PLXDC1: variants seen among roughly 807,000 people sequenced by gnomAD.
The protein encoded by PLXDC1 is plexin domain-containing protein 1.
In PLXDC1, 39 loss-of-function variants were observed where a neutral mutation model predicts 61.3. That is an observed-to-expected ratio of 0.64 (90% confidence interval 0.49 to 0.83). The LOEUF (loss-of-function observed/expected upper bound fraction) is 0.83. Ranked by LOEUF, PLXDC1 falls within the 40% of genes least tolerant of loss-of-function variation. PLXDC1 has a pLI of 0.00. For synonymous variants in PLXDC1, 212 were observed against 254.5 expected (o/e 0.83, Z 1.59); for missense variants, 596 against 666.5 (o/e 0.89, Z 1.17).
At chr17:39,082,041 A>G (rs545932020) in intron 9 of PLXDC1, among the ~76,000 whole-genome samples, 1 of 152,234 alleles carries the variant, frequency 6.6e-6, no homozygotes, top group African/African-American at 2.4e-5. Flanking sequence ...AGGGTAAACA[A>G]TCTGAGGCCC....
intron 12 of PLXDC1, among the ~76,000 whole-genome samples, chr17:39,071,700 C>T (rs1365256244): frequency 6.6e-6 from 1 of 152,122 alleles, no homozygotes; most frequent in Non-Finnish European, 1.5e-5. Flanking sequence ...CCCAGCCACC[C>T]CCACAACACA....
At chr17:39,089,236 A>C (rs1297745556) in intron 7 of PLXDC1, among the ~76,000 whole-genome samples, 3 of 152,168 alleles carry the variant, frequency 2.0e-5, no homozygotes, top group African/African-American at 7.2e-5. Flanking sequence ...ATCTTCTTCC[A>C]TGATCCTGCC....
chr17:39,112,238 C>T (rs1777144317), intron 2 of PLXDC1: 1 of 152,100 alleles, frequency 6.6e-6, no homozygotes, highest in South Asian at 2.1e-4. Flanking sequence ...ATAGGGGGCC[C>T]TGCCCAACAC....
chr17:39,099,369 C>T (rs3936022), intron 7 of PLXDC1, among the ~76,000 whole-genome samples: 42,064 of 152,052 alleles, frequency 0.28, 6,297 homozygotes, highest in Non-Finnish European at 0.34. Context: ...ATCAGGCACA[C>T]GTTTCCTGAG....
intron 8 of PLXDC1, among the ~76,000 whole-genome samples, chr17:39,085,491 G>T (rs552207857): frequency 3.9e-5 from 6 of 152,302 alleles, no homozygotes; most frequent in Non-Finnish European, 8.8e-5. Flanking sequence ...GGGAACTGAG[G>T]CTTGGAGAGA....
At chr17:39,077,085 C>G (rs1233899496) in intron 11 of PLXDC1, among the ~76,000 whole-genome samples, 1 of 152,096 alleles carries the variant, frequency 6.6e-6, no homozygotes, top group African/African-American at 2.4e-5. Flanking sequence ...TCAGGCTGGT[C>G]TCAAACCCCT....
At chr17:39,107,911 G>A (rs940795836) in intron 5 of PLXDC1, 2 of 615,408 alleles carry the variant, frequency 3.2e-6, no homozygotes, top group Admixed American at 5.7e-5. Context: ...TAAGAGCCAA[G>A]CACTGTCGTT....
chr17:39,087,530 G>T, intron 8 of PLXDC1, 77 bp downstream of exon 8: 2 of 1,148,544 alleles, frequency 1.7e-6, no homozygotes, highest in Non-Finnish European at 2.6e-6. Flanking sequence ...ACAGGAGTCA[G>T]TCATGGGCCT....
chr17:39,092,600 A>C (rs533613722), intron 7 of PLXDC1, among the ~76,000 whole-genome samples: 1 of 152,222 alleles, frequency 6.6e-6, no homozygotes, highest in African/African-American at 2.4e-5. Flanking sequence ...TCCCCTTACA[A>C]CTTCCTGAGG....
chr17:39,083,370 G>C, intron 9 of PLXDC1, 89 bp downstream of exon 9: 2 of 931,546 alleles, frequency 2.1e-6, no homozygotes, highest in African/African-American at 1.6e-5. Context: ...TTGGCTGACT[G>C]TGGGCAGTGA....
In PLXDC1 at chr17:39,067,887, G is replaced by T; in HGVS notation, c.1456C>A (p.Pro486Thr). 6.2e-7 allele frequency: 1 copy of T among 1,613,476 alleles called. No homozygotes were observed. The highest frequency in any genetic ancestry group is 8.5e-7 in the Non-Finnish European group (1 of 1,179,366). Residue 486 changes from proline (P) to threonine (T), a missense_variant, in exon 14 of 14, where the codon CCC becomes ACC. Physicochemically the swap from Pro to Thr is conservative, Grantham distance 38. Coordinates refer to ENST00000315392, the MANE Select transcript of PLXDC1 (RefSeq NM_020405.5). ...PDHSTYAEVE[P>T]SGHEKEGFME... ...AAGCCCTCCTTCTCATGGCCCGAGG[G>T]CTCCACCTCCGCATAGGTGGAATGG...
chr17:39,067,265 G>C lies in PLXDC1; in HGVS notation c.*575C>G, dbSNP rs1056396873. ...TGTTTAGGTCGGGGGAAAGGAAGGG[G>C]CTGACAACCGCAGACATCTGGACAC... On this transcript the variant is annotated 3_prime_UTR_variant, in exon 14 of 14. Coordinates refer to ENST00000315392, the MANE Select transcript of PLXDC1 (RefSeq NM_020405.5). The C allele has an allele frequency of 4.6e-5, 7 of 152,222 alleles. No homozygotes were observed. Among genetic ancestry groups the C allele is most frequent in the African/African-American group, 1.7e-4 (7 of 41,438 alleles). The allele number at this position is 152,222 out of a possible 1,614,324, so 9.4% of individuals were successfully genotyped here. A position where few individuals can be genotyped will look rare whatever the true frequency, so the allele number is the denominator to read the frequency against.
chr17:39,143,421 C>T (rs1258131168), intron 1 of PLXDC1, among the ~76,000 whole-genome samples: 3 of 152,320 alleles, frequency 2.0e-5, no homozygotes, highest in East Asian at 1.9e-4. Flanking sequence ...CCTACGTGTG[C>T]GACTATGTGC....
At chr17:39,149,048 T>A (rs73983243) in intron 1 of PLXDC1, among the ~76,000 whole-genome samples, 1 of 152,138 alleles carries the variant, frequency 6.6e-6, no homozygotes. Context: ...GTCAGTTCCC[T>A]GGGCCCCTGC....
chr17:39,078,631 A>G (rs1320891170), intron 10 of PLXDC1, among the ~76,000 whole-genome samples: 4 of 152,230 alleles, frequency 2.6e-5, no homozygotes, highest in African/African-American at 9.6e-5. Context: ...TGTTGAGTGT[A>G]CTGGAAAATT....
At chr17:39,106,000 G>GGCC in intron 6 of PLXDC1, 47 bp from the exon 7 acceptor site, 1 of 1,250,374 alleles carries the variant, frequency 8.0e-7, no homozygotes. Context: ...ACGCTCTGGG[G>GGCC]CCCACCCAGC....
At chr17:39,146,360 C>A (rs2045342372) in intron 1 of PLXDC1, among the ~76,000 whole-genome samples, 1 of 152,020 alleles carries the variant, frequency 6.6e-6, no homozygotes, top group Non-Finnish European at 1.5e-5. Context: ...CATGAGCCAC[C>A]ACGCCTGGCC....
At position 39,132,687 on chromosome 17, in the gene PLXDC1, G is replaced by A. The variant is rs544661995; in HGVS notation, c.255+6967C>T. On this transcript the variant is annotated intron_variant, in intron 2 of 13. Transcript: ENST00000315392. ...GCAGAGGCACTGGGCAGAGAGGGCT[G>A]AATGGAGGCAGCTGGGCAGAGGGTC... 2.6e-5 allele frequency among the ~76,000 whole-genome samples: 4 copies of A among 152,284 alleles called. No individual in the cohort carries two copies. The South Asian group carries it at 8.3e-4, about 32-fold the overall frequency.
In PLXDC1 at chr17:39,108,987, G is replaced by T; in HGVS notation, c.400-14C>A. ...CAAGACCACTCTCTGCAGGGGATGGGAGAAAGTCAGCACGGGCCAAGCTGC... is the reference window on the plus strand; with the variant it reads ...CAAGACCACTCTCTGCAGGGGATGGTAGAAAGTCAGCACGGGCCAAGCTGC... On this transcript the variant is annotated splice_polypyrimidine_tract_variant and intron_variant, in intron 3 of 13. Transcript: ENST00000315392. The T allele has an allele frequency of 6.2e-7, 1 of 1,602,512 alleles. No individual in the cohort carries two copies. The highest frequency in any genetic ancestry group is 1.1e-5 in the South Asian group (1 of 90,588).
Sources: gnomAD v4.1 joint callset for allele counts (sites outside exome capture counted in the v4.1 genomes callset) on GRCh38, gnomAD v4.1.1 for gene constraint, MANE v1.5 for transcripts, NCBI Gene and HGNC (gene_info 2026-07-23, HGNC 2026-07-21) for gene names.